Variants in TSPOAP1 observed in about 807,000 individuals in gnomAD.
TSPOAP1 encodes the protein peripheral-type benzodiazepine receptor-associated protein 1.
Under a neutral mutation model 197.0 loss-of-function variants are expected in TSPOAP1, and 87 were observed. The observed-to-expected ratio is 0.44, with a 90% confidence interval of 0.37 to 0.53. TSPOAP1 has a LOEUF of 0.53. Ranked by LOEUF, TSPOAP1 falls within the 20% of genes least tolerant of loss-of-function variation. The pLI is 0.00. For missense variants in TSPOAP1, 2,174 were observed against 2,411.3 expected (o/e 0.90, Z 2.06); for synonymous variants, 913 against 998.9 (o/e 0.91, Z 1.62).
At chr17:58,316,313 T>C (rs1971231998) in intron 15 of TSPOAP1, 112 bp downstream of exon 15, 1 of 1,121,582 alleles carries the variant, frequency 8.9e-7, no homozygotes, top group African/African-American at 1.5e-5. Flanking sequence ...AATAGGTCCA[T>C]TGTGTCCTGT....
Position 58,304,609 on chromosome 17 carries a change from A to G in TSPOAP1, c.5545-210T>C. The G allele has an allele frequency of 1.7e-6, 1 of 594,830 alleles. No homozygotes were observed. The allele number at this position is 594,830 out of a possible 1,614,324, so 36.8% of individuals were successfully genotyped here. ...GTGGAGGCTTAGTTGTATTCCACTC[A>G]CCCCAAGGAGAGGCAAGCTCAAGGA... On this transcript the variant is annotated intron_variant, in intron 30 of 31. Transcript: ENST00000343736. This position sits in a 1 kb window ranked among gnomAD's most constrained non-coding sequence, Gnocchi z 4.2.
At position 58,315,934 on chromosome 17, in the gene TSPOAP1, T is replaced by C. The variant is rs1328704221; in HGVS notation, c.2098+89A>G. ...ATGGATGGATGGATGGATGGATGAATGGATGGATGGATGGATGGATATCCG... is the reference window on the plus strand; with the variant it reads ...ATGGATGGATGGATGGATGGATGAACGGATGGATGGATGGATGGATATCCG... On this transcript the variant is annotated intron_variant, in intron 16 of 31. Coordinates refer to ENST00000343736, the MANE Select transcript of TSPOAP1 (RefSeq NM_004758.4). 6 of 837,052 alleles carry C rather than the reference T, an allele frequency of 7.2e-6. No homozygotes were observed. The Admixed American group carries it at 7.9e-5, about 11-fold the overall frequency. The allele number at this position is 837,052 out of a possible 1,614,324, so 51.9% of individuals were successfully genotyped here. A position where few individuals can be genotyped will look rare whatever the true frequency, so the allele number is the denominator to read the frequency against.
At chr17:58,325,489 C>T in intron 4 of TSPOAP1, 45 bp downstream of exon 4, 1 of 1,607,834 alleles carries the variant, frequency 6.2e-7, no homozygotes, top group Admixed American at 1.7e-5. Context: ...GCAGATGGCC[C>T]TGTGCAGGGC....
At position 58,319,033 on chromosome 17, in the gene TSPOAP1, C is replaced by T. The variant is rs186058433; in HGVS notation, c.1699+57G>A. 1.7e-5 allele frequency: 24 copies of T among 1,440,204 alleles called. No homozygotes were observed. In the East Asian group the frequency reaches 6.0e-4, roughly 36 times the overall value. The allele number at this position is 1,440,204 out of a possible 1,614,324, so 89.2% of individuals were successfully genotyped here. A position where few individuals can be genotyped will look rare whatever the true frequency, so the allele number is the denominator to read the frequency against. ...CTTCTCTGATCCTGAACTCCCTGCT[C>T]TATCCAAAAGCCCAGGCCTGGGGAT... On this transcript the variant is annotated intron_variant, in intron 13 of 31. Coordinates refer to ENST00000343736, the MANE Select transcript of TSPOAP1 (RefSeq NM_004758.4).
chr17:58,316,090 C>T lies in TSPOAP1; in HGVS notation c.2031G>A (p.Glu677=), dbSNP rs760716189. The change falls in exon 16 of 32, where the codon GAG becomes GAA. Residue 677 remains glutamate (E), a synonymous_variant. Coordinates refer to ENST00000343736, the MANE Select transcript of TSPOAP1 (RefSeq NM_004758.4). ...TGTACTCGCCAGCTGTCAGCGGAAG[C>T]TCTGCTTCTGGATTCTCATTGGGAC... ...FEGPNENPEA[E]LPLTAGEYIY... 6.8e-6 allele frequency: 11 copies of T among 1,614,176 alleles called. No homozygotes were observed. Among genetic ancestry groups the T allele is most frequent in the Non-Finnish European group, 9.3e-6 (11 of 1,180,032 alleles).
At position 58,309,106 on chromosome 17, in the gene TSPOAP1, G is replaced by A; in HGVS notation, c.4166C>T (p.Ala1389Val). The stretch of plus-strand genomic sequence containing the variant: ...AGGCATGTCTTCCAGGCAGTCTCCA[G>A]CCCTGGAGGACTCAGGAGACAAGGG... ...QCPLSPESSR[A>V]GDCLEDMPGL... Residue 1389 changes from alanine to valine, a missense_variant, in exon 22 of 32, where the codon GCT becomes GTT. Ala to Val is a moderately conservative substitution (Grantham distance 64). Coordinates refer to ENST00000343736, the MANE Select transcript of TSPOAP1 (RefSeq NM_004758.4). This position sits in a 1 kb window ranked among gnomAD's most constrained non-coding sequence, Gnocchi z 5.0. 3 of 1,613,730 alleles carry A rather than the reference G, an allele frequency of 1.9e-6. No individual in the cohort carries two copies. Among genetic ancestry groups the A allele is most frequent in the South Asian group, 2.2e-5 (2 of 91,090 alleles).
Position 58,324,995 on chromosome 17 carries a change from G to T in TSPOAP1, c.758C>A (p.Pro253His). 1 of 1,532,788 alleles carries T rather than the reference G, an allele frequency of 6.5e-7. No individual in the cohort carries two copies. Among genetic ancestry groups the T allele is most frequent in the Non-Finnish European group, 8.8e-7 (1 of 1,140,330 alleles). The allele number at this position is 1,532,788 out of a possible 1,614,324, so 94.9% of individuals were successfully genotyped here. A position where few individuals can be genotyped will look rare whatever the true frequency, so the allele number is the denominator to read the frequency against. The stretch of plus-strand genomic sequence containing the variant: ...GAAGTCCCGCACGTGGAGCCACTGG[G>T]GACCCTCCTGAGGTTGGGGGACAGG... ...ARLTLVGKEGPQWLHVRDFDR... is the reference protein window; with the variant it reads ...ARLTLVGKEGHQWLHVRDFDR... Residue 253 changes from proline (P) to histidine (H), a missense_variant, in exon 5 of 32, where the codon CCC becomes CAC. Transcript: ENST00000343736. The surrounding 1 kb of genome is among the most constrained non-coding windows in gnomAD (Gnocchi z 5.8).
chr17:58,325,271 A>G (rs959656764), intron 4 of TSPOAP1, among the ~76,000 whole-genome samples: 14 of 152,170 alleles, frequency 9.2e-5, no homozygotes, highest in Non-Finnish European at 1.5e-4. Flanking sequence ...ACATCCCTTC[A>G]CACAGGGGAT....
chr17:58,320,604 T>C (rs770503510), intron 10 of TSPOAP1, 23 bp from the exon 11 acceptor site: 2 of 1,398,942 alleles, frequency 1.4e-6, no homozygotes, highest in African/African-American at 1.5e-5. Flanking sequence ...GGAACCAAAA[T>C]ACTGGAGGGA....
intron 18 of TSPOAP1, 30 bp downstream of exon 18, chr17:58,311,539 CCA>C: frequency 6.5e-7 from 1 of 1,527,566 alleles, no homozygotes; most frequent in Non-Finnish European, 8.8e-7. Context: ...GGACCCACCC[CCA>C]CTCCCAGGGT....
chr17:58,306,552 G>A, intron 25 of TSPOAP1, 139 bp from the exon 26 acceptor site: 1 of 986,042 alleles, frequency 1.0e-6, no homozygotes, highest in Non-Finnish European at 1.5e-6. Context: ...CCTGACAAGA[G>A]CCCCACCCAA....
rs561024204 is a variant in TSPOAP1, at chr17:58,306,603, C to T, written c.5153-190G>A. ...ATTCCTGGCTGCATGGCTGTATTCC[C>T]CTCTGCAACAGACGCCCACTCCACG... On this transcript the variant is annotated intron_variant, in intron 25 of 31. Coordinates refer to ENST00000343736, the MANE Select transcript of TSPOAP1 (RefSeq NM_004758.4). 2.3e-4 allele frequency: 206 copies of T among 896,514 alleles called. No individual in the cohort carries two copies. In the African/African-American group the frequency reaches 3.3e-3, roughly 14 times the overall value. The allele number at this position is 896,514 out of a possible 1,614,324, so 55.5% of individuals were successfully genotyped here. A position where few individuals can be genotyped will look rare whatever the true frequency, so the allele number is the denominator to read the frequency against.
chr17:58,319,331 A>C, intron 12 of TSPOAP1, 37 bp from the exon 13 acceptor site: 1 of 1,539,072 alleles, frequency 6.5e-7, no homozygotes, highest in African/African-American at 1.4e-5. Flanking sequence ...CAGGCCCCTC[A>C]AAGCTACCCA....
intron 27 of TSPOAP1, 73 bp from the exon 28 acceptor site, chr17:58,305,716 C>G: frequency 7.0e-7 from 1 of 1,437,614 alleles, no homozygotes; most frequent in Middle Eastern, 1.8e-4. Flanking sequence ...CTGCCCCGGA[C>G]CCCTGCTGAC....
rs561580576 is a variant in TSPOAP1, at chr17:58,316,275, AC to A, written c.1989-144del. ...ACCAGCAAAGCTGAGCCCTCACTGC[AC>A]CCACCTTGGCCCAACTAGGTTATTA... On this transcript the variant is annotated intron_variant, in intron 15 of 31. Coordinates refer to ENST00000343736, the MANE Select transcript of TSPOAP1 (RefSeq NM_004758.4). The A allele has an allele frequency of 1.5e-3, 1,548 of 1,053,714 alleles. 3 individuals carry two copies. The highest frequency in any genetic ancestry group is 2.1e-3 in the Non-Finnish European group (1,487 of 696,810). 65.3% of individuals were successfully genotyped at this position (1,053,714 alleles called of 1,614,324 possible).
At chr17:58,316,201 T>C (rs1971229131) in intron 15 of TSPOAP1, 69 bp from the exon 16 acceptor site, 1 of 1,324,668 alleles carries the variant, frequency 7.5e-7, no homozygotes, top group Non-Finnish European at 1.1e-6. Flanking sequence ...CTGTCTTCTC[T>C]CTCCCACTGC....
intron 13 of TSPOAP1, 89 bp from the exon 14 acceptor site, chr17:58,318,541 G>A (rs1247896739): frequency 2.3e-6 from 3 of 1,283,054 alleles, no homozygotes; most frequent in Non-Finnish European, 3.2e-6. Flanking sequence ...TGGGGACCAG[G>A]CCCTCCATAG....
At position 58,328,667 on chromosome 17, in the gene TSPOAP1, C is replaced by T. The variant is rs1971730968; in HGVS notation, c.-747G>A. ...GGTGGCTGGGCTGGTCCTAAGGAGG[C>T]CTGGGTCGATGGGCTGCTTGCCTCA... On this transcript the variant is annotated 5_prime_UTR_variant, in exon 1 of 32. Transcript: ENST00000343736. The surrounding 1 kb of genome is among the most constrained non-coding windows in gnomAD (Gnocchi z 4.3). The T allele has an allele frequency of 6.5e-6, 1 of 153,520 alleles. No homozygotes were observed. Among genetic ancestry groups the T allele is most frequent in the Non-Finnish European group, 1.4e-5 (1 of 68,978 alleles). 9.5% of individuals were successfully genotyped at this position (153,520 alleles called of 1,614,324 possible). A position where few individuals can be genotyped will look rare whatever the true frequency, so the allele number is the denominator to read the frequency against.
Position 58,309,230 on chromosome 17 carries a change from A to C in TSPOAP1, c.4042T>G (p.Ser1348Ala), listed in dbSNP as rs1392975090. The C allele has an allele frequency of 1.2e-6, 2 of 1,607,332 alleles. No homozygotes were observed. The highest frequency in any genetic ancestry group is 2.2e-5 in the South Asian group (2 of 91,040). Residue 1348 changes from serine to alanine, a missense_variant, in exon 22 of 32, where the codon TCA (serine) becomes GCA (alanine). Transcript: ENST00000343736. The surrounding 1 kb of genome is among the most constrained non-coding windows in gnomAD (Gnocchi z 5.0). ...EEEEDEEEEK[S>A]GAGCSSRDPG... The stretch of plus-strand genomic sequence containing the variant: ...TCTCGGGAAGAACAGCCTGCCCCTG[A>C]CTTCTCCTCCTCCTCGTCCTCCTCT...
Sources: gnomAD v4.1 joint callset for allele counts (sites outside exome capture counted in the v4.1 genomes callset) on GRCh38, gnomAD v4.1.1 for gene constraint, Gnocchi (gnomAD v3.1) non-coding constraint, MANE v1.5 for transcripts, NCBI Gene and HGNC (gene_info 2026-07-23, HGNC 2026-07-21) for gene names.